SEMA3C: variants seen among roughly 807,000 people sequenced by gnomAD.
SEMA3C encodes the protein semaphorin-3C.
SEMA3C carries 47 observed loss-of-function variants against 89.4 expected under a neutral mutation model. The ratio of observed to expected loss-of-function variants is 0.53; its 90% CI spans 0.42 to 0.67. The LOEUF is 0.67. SEMA3C is among the 30% of genes least tolerant of loss of function. The pLI, the probability that SEMA3C is intolerant of heterozygous loss-of-function variation, is 0.00. For synonymous variants in SEMA3C, 310 were observed against 320.2 expected (o/e 0.97, Z 0.34); for missense variants, 839 against 929.1 (o/e 0.90, Z 1.26).
At chr7:80,904,694 T>C (rs1299909542) in intron 2 of SEMA3C, among the ~76,000 whole-genome samples, 1 of 152,196 alleles carries the variant, frequency 6.6e-6, no homozygotes, top group Non-Finnish European at 1.5e-5. Flanking sequence ...TCATGTTGTG[T>C]AACAGAAACT....
chr7:80,749,476 A>G (rs1787876853), intron 16 of SEMA3C, among the ~76,000 whole-genome samples: 1 of 152,136 alleles, frequency 6.6e-6, no homozygotes, highest in Non-Finnish European at 1.5e-5. Context: ...ACTCAATGTT[A>G]TATAGAGGAA....
At chr7:80,810,529 C>G in intron 6 of SEMA3C, 82 bp downstream of exon 6, 1 of 1,025,502 alleles carries the variant, frequency 9.8e-7, no homozygotes, top group East Asian at 2.4e-5. Context: ...ATCCACACAA[C>G]CATCAAGAAT....
At chr7:80,761,141 T>G (rs1788174134) in intron 14 of SEMA3C, among the ~76,000 whole-genome samples, 1 of 152,092 alleles carries the variant, frequency 6.6e-6, no homozygotes, top group Non-Finnish European at 1.5e-5. Context: ...CATGTTTAAA[T>G]CCTAGGAAAT....
chr7:80,766,773 C>T (rs562644545), intron 12 of SEMA3C, among the ~76,000 whole-genome samples: 29 of 152,298 alleles, frequency 1.9e-4, no homozygotes, highest in Admixed American at 3.9e-4. Flanking sequence ...ATCTCAGGAG[C>T]TGAGTGAGTG....
chr7:80,798,407 A>G (rs1789118289), intron 10 of SEMA3C, among the ~76,000 whole-genome samples, 171 bp from the exon 11 acceptor site: 1 of 152,252 alleles, frequency 6.6e-6, no homozygotes, highest in South Asian at 2.1e-4. Context: ...GTATTGATAC[A>G]TAAAGCATTA....
rs1019634706 is a variant in SEMA3C, at chr7:80,771,919, C to T, written c.1355-6676G>A. Among the ~76,000 whole-genome samples, 15 of 152,036 alleles carry T rather than the reference C, an allele frequency of 9.9e-5. 1 individual carries two copies. Among genetic ancestry groups the T allele is most frequent in the South Asian group, 4.1e-4 (2 of 4,832 alleles). On this transcript the variant is annotated intron_variant, in intron 12 of 17. Coordinates refer to ENST00000265361, the MANE Select transcript of SEMA3C (RefSeq NM_006379.5). ...GTGTCAGCCTAGGCAGCCCCGTACA[C>T]GATATTAGGGGTAAATTACTGCAAA...
chr7:80,751,455 T>A, intron 15 of SEMA3C, 119 bp from the exon 16 acceptor site: 1 of 838,812 alleles, frequency 1.2e-6, no homozygotes, highest in South Asian at 1.6e-5. Context: ...CATAAAATTT[T>A]TTAAAAAGAG....
In SEMA3C at chr7:80,847,629, A is replaced by G. The variant is rs149890569; in HGVS notation, c.104-18884T>C. On this transcript the variant is annotated intron_variant, in intron 2 of 17. Transcript: ENST00000265361. The stretch of plus-strand genomic sequence containing the variant: ...CGTAACAAACTCGCTTGGCATCCTC[A>G]TTTTGCTTTTGAAGCATTTAGGACA... Among the ~76,000 whole-genome samples, 33 of 152,048 alleles carry G rather than the reference A, an allele frequency of 2.2e-4. No homozygotes were observed. In the East Asian group the frequency reaches 5.6e-3, roughly 26 times the overall value.
chr7:80,865,065 T>C (rs1191219151), intron 2 of SEMA3C, among the ~76,000 whole-genome samples: 3 of 152,202 alleles, frequency 2.0e-5, no homozygotes, highest in Admixed American at 6.5e-5. Context: ...CCAATCTTAA[T>C]CATTTGTGGC....
chr7:80,821,547 GTAGC>G (rs1464868234), intron 4 of SEMA3C, among the ~76,000 whole-genome samples: 1 of 152,182 alleles, frequency 6.6e-6, no homozygotes, highest in Non-Finnish European at 1.5e-5. Context: ...AGCCTCCCGA[GTAGC>G]TGGGACTACA....
At chr7:80,807,996 A>T (rs1019172449) in intron 6 of SEMA3C, among the ~76,000 whole-genome samples, 3 of 152,180 alleles carry the variant, frequency 2.0e-5, no homozygotes, top group Non-Finnish European at 4.4e-5. Flanking sequence ...AGTGACTTTC[A>T]TTTGATTACA....
intron 2 of SEMA3C, among the ~76,000 whole-genome samples, chr7:80,880,701 G>A (rs893151803): frequency 2.0e-5 from 3 of 152,180 alleles, no homozygotes; most frequent in Admixed American, 6.6e-5. Flanking sequence ...AAGGCAGGCA[G>A]ACCACTTGAG....
intron 2 of SEMA3C, among the ~76,000 whole-genome samples, chr7:80,837,198 C>T (rs567683387): frequency 2.0e-5 from 3 of 152,212 alleles, no homozygotes; most frequent in East Asian, 1.9e-4. Flanking sequence ...TCACAAACGT[C>T]GGATTAATCA....
At position 80,916,659 on chromosome 7, in the gene SEMA3C, G is replaced by T. The variant is rs375202020; in HGVS notation, c.103+20C>A. The T allele has an allele frequency of 6.3e-7, 1 of 1,593,530 alleles. No individual in the cohort carries two copies. The highest frequency in any genetic ancestry group is 8.5e-7 in the Non-Finnish European group (1 of 1,171,372). On this transcript the variant is annotated intron_variant, in intron 2 of 17. Transcript: ENST00000265361. ...AACTTAAAATAACATTTTTCCCAGA[G>T]TGTTTATCAACTCTCTTACCATCAA... is the stretch of plus-strand genomic sequence containing the variant.
At chr7:80,867,154 A>C (rs1790946262) in intron 2 of SEMA3C, among the ~76,000 whole-genome samples, 1 of 152,244 alleles carries the variant, frequency 6.6e-6, no homozygotes, top group African/African-American at 2.4e-5. Context: ...TTTCTGATTA[A>C]TGGTTGTAGA....
intron 2 of SEMA3C, among the ~76,000 whole-genome samples, chr7:80,861,782 T>A (rs569259956): frequency 6.6e-6 from 1 of 152,304 alleles, no homozygotes; most frequent in South Asian, 2.1e-4. Context: ...GCAAGTCTGG[T>A]TTAACATATG....
rs573797061 is a variant in SEMA3C at position 80,905,955 on chromosome 7, G to T, written c.103+10724C>A. ...ATGGAATTGAATGTAATTTTGTTTT[G>T]TTTTTTTTTTAACTGAATAATAAAA... On this transcript the variant is annotated intron_variant, in intron 2 of 17. Coordinates refer to ENST00000265361, the MANE Select transcript of SEMA3C (RefSeq NM_006379.5). 4.5e-4 allele frequency: 492 copies of T among 1,082,780 alleles called. 1 individual carries two copies. The highest frequency in any genetic ancestry group is 3.8e-3 in the African/African-American group (230 of 60,232). 67.1% of individuals were successfully genotyped at this position (1,082,780 alleles called of 1,614,324 possible). A position where few individuals can be genotyped will look rare whatever the true frequency, so the allele number is the denominator to read the frequency against.
chr7:80,821,418 G>GT (rs1048701136), intron 4 of SEMA3C, among the ~76,000 whole-genome samples: 9 of 150,940 alleles, frequency 6.0e-5, no homozygotes, highest in Non-Finnish European at 7.4e-5. Flanking sequence ...GTCCACAGTT[G>GT]TTTTTTTTTG....
chr7:80,896,404 G>A (rs953725584), intron 2 of SEMA3C, among the ~76,000 whole-genome samples: 9 of 152,128 alleles, frequency 5.9e-5, no homozygotes, highest in Non-Finnish European at 1.2e-4. Context: ...ACTGTATGCT[G>A]TTATTTAGCT....
Sources: allele counts gnomAD v4.1 joint callset (sites outside exome capture counted in the v4.1 genomes callset), GRCh38; gene constraint gnomAD v4.1.1; transcripts MANE v1.5; gene names NCBI Gene and HGNC (gene_info 2026-07-23, HGNC 2026-07-21).